Variants in TMT1B observed in about 807,000 individuals in gnomAD.
TMT1B encodes thiol S-methyltransferase TMT1B.
chr12:55,684,021 C>T, the TMT1B span: 1 of 1,613,552 alleles, frequency 6.2e-7, no homozygotes, highest in Non-Finnish European at 8.5e-7. Context: ...CCTGTTGGGC[C>T]CCACATCATG....
At chr12:55,684,027 T>C in the TMT1B span, 1 of 1,613,354 alleles carries the variant, frequency 6.2e-7, no homozygotes, top group African/African-American at 1.3e-5. Context: ...GGGCCCCACA[T>C]CATGGGAAAG....
chr12:55,684,077 T>C, the TMT1B span: 2 of 1,602,814 alleles, frequency 1.2e-6, no homozygotes. Flanking sequence ...GGCACTCATT[T>C]GCTCCTTCCC....
the TMT1B span, chr12:55,683,721 A>G: frequency 7.7e-7 from 1 of 1,294,052 alleles, no homozygotes; most frequent in Non-Finnish European, 1.1e-6. Flanking sequence ...AGCAGCTCCC[A>G]TTTCACCAAG....
chr12:55,684,318 G>A, the TMT1B span: 1 of 425,514 alleles, frequency 2.4e-6, no homozygotes, highest in South Asian at 2.5e-5. Flanking sequence ...GCAAGTTTCT[G>A]GACTAGTCTC....
chr12:55,682,113 AG>A, the TMT1B span: 1 of 1,614,082 alleles, frequency 6.2e-7, no homozygotes, highest in Admixed American at 1.7e-5. Flanking sequence ...CTCCAATATG[AG>A]CGGTTTGTGG....
the TMT1B span, chr12:55,682,214 A>C: frequency 6.2e-7 from 1 of 1,613,882 alleles, no homozygotes; most frequent in Non-Finnish European, 8.5e-7. Context: ...GCAGAGCCCA[A>C]GGAAGGTCCT....
At chr12:55,684,170 T>C in the TMT1B span, 6 of 916,248 alleles carry the variant, frequency 6.5e-6, no homozygotes, top group African/African-American at 3.3e-5. Context: ...AAGACATTCA[T>C]GTACCACCTA....
At chr12:55,683,525 G>C in the TMT1B span, among the ~76,000 whole-genome samples, 1 of 151,994 alleles carries the variant, frequency 6.6e-6, no homozygotes, top group African/African-American at 2.4e-5. Flanking sequence ...ATAATACAAT[G>C]AGCCCTCCAC....
the TMT1B span, among the ~76,000 whole-genome samples, chr12:55,682,628 A>C: frequency 3.9e-5 from 5 of 128,388 alleles, no homozygotes; most frequent in East Asian, 1.1e-3. Context: ...AAAAAAAAAA[A>C]TACAAAAGCT....
the TMT1B span, chr12:55,683,867 T>A: frequency 1.2e-6 from 2 of 1,614,128 alleles, no homozygotes; most frequent in Non-Finnish European, 1.7e-6. Context: ...AAGCTGGGCC[T>A]TCATGTGGCA....
At chr12:55,683,888 G>A in the TMT1B span, 67 of 1,613,884 alleles carry the variant, frequency 4.2e-5, no homozygotes, top group Admixed American at 3.5e-4. Flanking sequence ...GCAAGTTTTC[G>A]AGCCCACCTG....
the TMT1B span, chr12:55,682,202 G>C: frequency 6.2e-7 from 1 of 1,613,964 alleles, no homozygotes; most frequent in Non-Finnish European, 8.5e-7. Context: ...GCTGTGCTCT[G>C]TGCAGAGCCC....
the TMT1B span, chr12:55,682,182 G>T: frequency 1.2e-6 from 2 of 1,613,896 alleles, no homozygotes; most frequent in Admixed American, 1.7e-5. Context: ...GTGGTGGTCT[G>T]CACTCTGGTG....
chr12:55,683,968 C>A, the TMT1B span: 2 of 1,614,032 alleles, frequency 1.2e-6, no homozygotes, highest in Non-Finnish European at 1.7e-6. Context: ...CCCAGTTCTC[C>A]GAAATCCAAA....
At chr12:55,682,200 C>T in the TMT1B span, 6 of 1,613,826 alleles carry the variant, frequency 3.7e-6, no homozygotes, top group Non-Finnish European at 5.1e-6. Context: ...GTGCTGTGCT[C>T]TGTGCAGAGC....
the TMT1B span, chr12:55,683,937 C>T: frequency 2.5e-6 from 4 of 1,613,986 alleles, no homozygotes; most frequent in Admixed American, 6.7e-5. Flanking sequence ...ACCAGAGAGA[C>T]CTGGAAGGAT....
chr12:55,684,031 G>C, the TMT1B span: 1 of 1,613,284 alleles, frequency 6.2e-7, no homozygotes, highest in South Asian at 1.1e-5. Context: ...CCCACATCAT[G>C]GGAAAGGCTG....
At chr12:55,683,985 G>T in the TMT1B span, 340 of 1,614,008 alleles carry the variant, frequency 2.1e-4, 4 homozygotes, top group African/African-American at 3.6e-3. Context: ...CAAATGGAAC[G>T]ACAGCCCCCT....
chr12:55,682,249 A>G, the TMT1B span: 5 of 1,607,582 alleles, frequency 3.1e-6, no homozygotes, highest in Admixed American at 8.4e-5. Flanking sequence ...GAGTACTGAG[A>G]CCGGTAAGCA....
Sources: gnomAD v4.1 joint callset for allele counts (sites outside exome capture counted in the v4.1 genomes callset) on GRCh38, gnomAD v4.1.1 for gene constraint, MANE v1.5 for transcripts, NCBI Gene and HGNC (gene_info 2026-07-23, HGNC 2026-07-21) for gene names.